The following NSG2 variants were observed in gnomAD, a reference collection of about 807,000 sequenced individuals.
NSG2 encodes the protein neuronal vesicle trafficking-associated protein 2.
A neutral mutation model predicts 16.9 loss-of-function variants in NSG2; 4 were observed. The ratio of observed to expected loss-of-function variants is 0.24; its 90% CI spans 0.12 to 0.54. The LOEUF is 0.54. Ranked by LOEUF, NSG2 falls within the 20% of genes least tolerant of loss-of-function variation. The pLI, the probability that NSG2 is intolerant of heterozygous loss-of-function variation, is 0.95. For missense variants in NSG2, 179 were observed against 221.1 expected (o/e 0.81, Z 1.21); for synonymous variants, 98 against 88.7 (o/e 1.11, Z -0.59).
chr5:174,064,409 G>A, intron 3 of NSG2, 94 bp downstream of exon 3: 1 of 689,818 alleles, frequency 1.4e-6, no homozygotes, highest in Non-Finnish European at 2.4e-6. Context: ...ACTGCTGTGG[G>A]TGGGGAAATG....
At chr5:174,075,762 G>T (rs1760330800) in intron 3 of NSG2, among the ~76,000 whole-genome samples, 1 of 152,202 alleles carries the variant, frequency 6.6e-6, no homozygotes, top group Non-Finnish European at 1.5e-5. Context: ...AAAAATTGAT[G>T]ATGTTTAAGC....
chr5:174,063,377 T>C (rs1274417351), intron 2 of NSG2, among the ~76,000 whole-genome samples: 4 of 152,166 alleles, frequency 2.6e-5, no homozygotes, highest in Admixed American at 2.6e-4. Context: ...TAACCACCTC[T>C]GCAAAAATAT....
At chr5:174,076,243 C>T (rs1232969957) in intron 3 of NSG2, among the ~76,000 whole-genome samples, 3 of 152,116 alleles carry the variant, frequency 2.0e-5, no homozygotes, top group African/African-American at 7.2e-5. Context: ...CTAAAATAGA[C>T]GGGACACATT....
At chr5:174,100,918 C>T (rs1760888279) in intron 3 of NSG2, among the ~76,000 whole-genome samples, 1 of 152,250 alleles carries the variant, frequency 6.6e-6, no homozygotes, top group Non-Finnish European at 1.5e-5. Context: ...GCTCCTGAGT[C>T]TCTCAAGAGG....
rs563359558 is a variant in NSG2, at chr5:174,086,675, G to A, written c.214-17553G>A. ...ATGACACACTTGCTTTTGCTTTGTT[G>A]CCTTATAAAGGCACAACCTTGTGAG... On this transcript the variant is annotated intron_variant, in intron 3 of 4. Transcript: ENST00000303177. 9.2e-5 allele frequency: 14 copies of A among 152,300 alleles called. No homozygotes were observed. The East Asian group carries it at 2.7e-3, about 29-fold the overall frequency. 9.4% of individuals were successfully genotyped at this position (152,300 alleles called of 1,614,324 possible).
intron 3 of NSG2, among the ~76,000 whole-genome samples, chr5:174,067,642 T>C (rs1760165314): frequency 6.6e-6 from 1 of 152,222 alleles, no homozygotes; most frequent in Non-Finnish European, 1.5e-5. Flanking sequence ...AGCCTGGTTT[T>C]TCACTTTCTT....
At chr5:174,070,124 C>T (rs572070768) in intron 3 of NSG2, among the ~76,000 whole-genome samples, 22 of 152,084 alleles carry the variant, frequency 1.4e-4, no homozygotes, top group Admixed American at 1.3e-3. Context: ...TGGCTTCAAG[C>T]GATCCTCCTG....
intron 2 of NSG2, 68 bp from the exon 3 acceptor site, chr5:174,064,164 A>G (rs1760102465): frequency 1.9e-6 from 2 of 1,067,980 alleles, no homozygotes; most frequent in South Asian, 2.0e-5. Context: ...AATTCTGGTT[A>G]CTGAAAAAAA....
At chr5:174,064,617 A>G (rs1349792286) in intron 3 of NSG2, 3 of 232,702 alleles carry the variant, frequency 1.3e-5, no homozygotes, top group African/African-American at 6.7e-5. Context: ...TTTCATCACA[A>G]TCTCCAGGAA....
Position 174,081,464 on chromosome 5 carries a change from C to G in NSG2, c.213+17149C>G, listed in dbSNP as rs534017493. On this transcript the variant is annotated intron_variant, in intron 3 of 4. Transcript: ENST00000303177. ...ATATATTTTCAGATATTAAGCCATT[C>G]TTACATGTCCTCATTTGGTCATGGT... 3.3e-5 allele frequency: 5 copies of G among 152,200 alleles called. No individual in the cohort carries two copies. In the East Asian group the frequency reaches 9.6e-4, roughly 29 times the overall value. 9.4% of individuals were successfully genotyped at this position (152,200 alleles called of 1,614,324 possible).
chr5:174,048,922 C>T (rs12519214), intron 2 of NSG2, among the ~76,000 whole-genome samples: 20,283 of 152,228 alleles, frequency 0.13, 1,816 homozygotes, highest in African/African-American at 0.25. Flanking sequence ...TGATTGTCAT[C>T]ACACAGTCTT....
intron 3 of NSG2, among the ~76,000 whole-genome samples, chr5:174,097,979 C>T (rs182776291): frequency 1.2e-3 from 182 of 152,112 alleles, no homozygotes; most frequent in Non-Finnish European, 2.1e-3. Context: ...GAAAAGGGTG[C>T]GACTCGCTTG....
At chr5:174,095,703 C>T (rs558454174) in intron 3 of NSG2, among the ~76,000 whole-genome samples, 112 of 152,276 alleles carry the variant, frequency 7.4e-4, no homozygotes, top group Middle Eastern at 6.8e-3. Context: ...GGCCACCACT[C>T]GACCCACTTT....
At chr5:174,104,812 C>G (rs956646927) in intron 4 of NSG2, among the ~76,000 whole-genome samples, 2 of 152,202 alleles carry the variant, frequency 1.3e-5, no homozygotes, top group African/African-American at 4.8e-5. Flanking sequence ...AAGAACGGAA[C>G]CTGCTGCATG....
At chr5:174,059,551 C>T (rs1167225693) in intron 2 of NSG2, among the ~76,000 whole-genome samples, 2 of 152,144 alleles carry the variant, frequency 1.3e-5, no homozygotes, top group Non-Finnish European at 2.9e-5. Context: ...TCTTGGAAGA[C>T]ATGTGTATCA....
chr5:174,099,981 C>T (rs1381564228), intron 3 of NSG2, among the ~76,000 whole-genome samples: 2 of 152,206 alleles, frequency 1.3e-5, no homozygotes, highest in Non-Finnish European at 2.9e-5. Flanking sequence ...TTCACCACAA[C>T]GTACTCTCTG....
rs1760943599 is a variant in NSG2, at chr5:174,104,237, C to T, written c.223C>T (p.Leu75Phe). 2 of 1,613,916 alleles carry T rather than the reference C, an allele frequency of 1.2e-6. No individual in the cohort carries two copies. Among genetic ancestry groups the T allele is most frequent in the African/African-American group, 2.7e-5 (2 of 75,026 alleles). ...PKIAEFTVTILVSLALAFLAC... is the reference protein window; with the variant it reads ...PKIAEFTVTIFVSLALAFLAC... ...TTTTGTATTCCTCCAGGTCACCATC[C>T]TTGTCAGCCTGGCCCTAGCTTTCCT... The change falls in exon 4 of 5, where the codon CTT (leucine) becomes TTT (phenylalanine). Residue 75 changes from leucine (L) to phenylalanine (F), a missense_variant. By Grantham distance (22) the Leu-to-Phe change is conservative. Coordinates refer to ENST00000303177, the MANE Select transcript of NSG2 (RefSeq NM_015980.5).
intron 3 of NSG2, among the ~76,000 whole-genome samples, chr5:174,081,254 A>G (rs1191375351): frequency 6.6e-6 from 1 of 151,634 alleles, no homozygotes; most frequent in Non-Finnish European, 1.5e-5. Context: ...CCTGTTTGCA[A>G]TTTTTAGACT....
At chr5:174,094,175 T>C (rs1363584317) in intron 3 of NSG2, among the ~76,000 whole-genome samples, 1 of 152,218 alleles carries the variant, frequency 6.6e-6, no homozygotes, top group Non-Finnish European at 1.5e-5. Context: ...AGGAACCATG[T>C]GGCCTCAGAC....
Sources: gnomAD v4.1 joint callset for allele counts (sites outside exome capture counted in the v4.1 genomes callset) on GRCh38, gnomAD v4.1.1 for gene constraint, MANE v1.5 for transcripts, NCBI Gene and HGNC (gene_info 2026-07-23, HGNC 2026-07-21) for gene names.